The following CPN1 variants were observed in gnomAD, a reference collection of about 807,000 sequenced individuals.
CPN1 encodes the protein carboxypeptidase N catalytic chain.
CPN1 carries 37 observed loss-of-function variants against 46.4 expected under a neutral mutation model. That is an observed-to-expected ratio of 0.80 (90% CI 0.61 to 1.05). The LOEUF is 1.05. Ranked by LOEUF, CPN1 falls within the 50% of genes least tolerant of loss-of-function variation. CPN1 has a pLI of 0.00. For missense variants in CPN1, 563 were observed against 602.6 expected (o/e 0.93, Z 0.69); for synonymous variants, 224 against 235.4 (o/e 0.95, Z 0.44).
At chr10:100,043,853 T>C (rs1185672935) in intron 8 of CPN1, among the ~76,000 whole-genome samples, 2 of 152,014 alleles carry the variant, frequency 1.3e-5, no homozygotes, top group Non-Finnish European at 2.9e-5. Context: ...ATGCATCCTT[T>C]CAAGCACTAC....
intron 5 of CPN1, among the ~76,000 whole-genome samples, chr10:100,057,804 T>A (rs2041393965): frequency 6.6e-6 from 1 of 152,164 alleles, no homozygotes; most frequent in Admixed American, 6.6e-5. Context: ...TGATAGCAGG[T>A]CATACAGTGG....
chr10:100,060,771 A>C (rs999541065), intron 5 of CPN1, among the ~76,000 whole-genome samples: 5 of 152,340 alleles, frequency 3.3e-5, no homozygotes, highest in African/African-American at 7.2e-5. Context: ...GTATATACCC[A>C]AAACAAAGGA....
chr10:100,070,480 T>A (rs2041477696), intron 2 of CPN1, among the ~76,000 whole-genome samples: 1 of 151,744 alleles, frequency 6.6e-6, no homozygotes, highest in Non-Finnish European at 1.5e-5. Flanking sequence ...AGGCTCTGTC[T>A]AAAAAAAACA....
chr10:100,063,083 C>A (rs188805964), intron 5 of CPN1, among the ~76,000 whole-genome samples: 14 of 152,172 alleles, frequency 9.2e-5, no homozygotes, highest in Admixed American at 7.9e-4. Context: ...ACCAGTTTTA[C>A]AGGACCAAAA....
chr10:100,065,453 T>G (rs1364858579), intron 3 of CPN1, 83 bp from the exon 4 acceptor site: 2 of 1,453,964 alleles, frequency 1.4e-6, no homozygotes, highest in Admixed American at 3.7e-5. Flanking sequence ...TGTCAGGAAG[T>G]GGCCTGAGGA....
chr10:100,080,123 GT>G (rs77747934), intron 1 of CPN1, among the ~76,000 whole-genome samples: 3,919 of 151,972 alleles, frequency 0.026, 69 homozygotes, highest in East Asian at 0.069. Context: ...CCAGTTGGGA[GT>G]TCAGTGCAAT....
intron 7 of CPN1, among the ~76,000 whole-genome samples, chr10:100,053,161 G>T (rs1458376862): frequency 6.6e-6 from 1 of 152,196 alleles, no homozygotes; most frequent in Non-Finnish European, 1.5e-5. Flanking sequence ...TGAGGCTACA[G>T]GATTCTGCCT....
chr10:100,073,949 A>G (rs913273469), intron 2 of CPN1, among the ~76,000 whole-genome samples: 7 of 152,032 alleles, frequency 4.6e-5, no homozygotes, highest in Non-Finnish European at 7.4e-5. Flanking sequence ...GCCGTGTAAC[A>G]TCTTCAGAGC....
intron 7 of CPN1, among the ~76,000 whole-genome samples, chr10:100,053,725 CA>C (rs11336201): frequency 0.092 from 13,763 of 149,550 alleles, 927 homozygotes; most frequent in African/African-American, 0.19. Context: ...CAAAATAAAA[CA>C]AAAAAAAAAT....
intron 1 of CPN1, among the ~76,000 whole-genome samples, chr10:100,077,905 A>C (rs796785267): frequency 4.7e-4 from 71 of 152,328 alleles, no homozygotes; most frequent in Middle Eastern, 3.4e-3. Flanking sequence ...ATTTAAAAAA[A>C]AACAACAACA....
intron 8 of CPN1, among the ~76,000 whole-genome samples, chr10:100,047,237 G>T (rs1462769725): frequency 1.3e-5 from 2 of 152,086 alleles, no homozygotes; most frequent in Non-Finnish European, 2.9e-5. Flanking sequence ...GAAAGAAGAA[G>T]AGGAGGAAGA....
intron 3 of CPN1, 102 bp from the exon 4 acceptor site, chr10:100,065,472 G>T: frequency 1.6e-6 from 2 of 1,264,602 alleles, no homozygotes; most frequent in Non-Finnish European, 2.2e-6. Flanking sequence ...GAGATAAAAT[G>T]TCTGAATGAA....
Position 100,063,311 on chromosome 10 carries a change from C to T in CPN1, c.871+303G>A, listed in dbSNP as rs57991156. Reference sequence around the variant, plus strand: ...AATTTTTTCATATTTTTAGTAGAGACGGGGTTTCACTGTGTTAGCCAGGAT... The same window carrying T: ...AATTTTTTCATATTTTTAGTAGAGATGGGGTTTCACTGTGTTAGCCAGGAT... On this transcript the variant is annotated intron_variant, in intron 5 of 8. Transcript: ENST00000370418. Among the ~76,000 whole-genome samples, 1,081 of 151,840 alleles carry T rather than the reference C, an allele frequency of 7.1e-3. 18 individuals carry two copies. The highest frequency in any genetic ancestry group is 0.025 in the African/African-American group (1,027 of 41,384).
chr10:100,054,470 T>C (rs748764750), intron 6 of CPN1, 24 bp from the exon 7 acceptor site: 2 of 1,572,712 alleles, frequency 1.3e-6, no homozygotes, highest in South Asian at 1.1e-5. Flanking sequence ...TATATAGTTA[T>C]GATCATAAAA....
chr10:100,051,515 T>A (rs2041353126), intron 7 of CPN1, among the ~76,000 whole-genome samples: 1 of 152,082 alleles, frequency 6.6e-6, no homozygotes, highest in Non-Finnish European at 1.5e-5. Flanking sequence ...GTTTTTTCCC[T>A]GATGAAATGA....
chr10:100,048,697 C>T, intron 8 of CPN1, 61 bp downstream of exon 8: 3 of 1,207,956 alleles, frequency 2.5e-6, no homozygotes, highest in Non-Finnish European at 2.5e-6. Context: ...GGACACTGTC[C>T]TCCAAAAAAA....
chr10:100,051,809 A>G (rs988336546), intron 7 of CPN1, among the ~76,000 whole-genome samples: 4 of 152,050 alleles, frequency 2.6e-5, no homozygotes, highest in Admixed American at 6.6e-5. Context: ...GATTACAGGC[A>G]TGAGCTACTG....
chr10:100,055,662 T>A (rs1367403605), intron 6 of CPN1, among the ~76,000 whole-genome samples: 6 of 152,090 alleles, frequency 3.9e-5, no homozygotes, highest in Non-Finnish European at 4.4e-5. Context: ...GTAGCTGGGA[T>A]TACAGGCATG....
rs150259958 is a variant in CPN1 at position 100,081,403 on chromosome 10, A to T, written c.223T>A (p.Leu75Met). The T allele has an allele frequency of 3.1e-6, 5 of 1,611,734 alleles. No individual in the cohort carries two copies. The African/African-American group carries it at 6.7e-5, about 22-fold the overall frequency. The change falls in exon 1 of 9, where the codon TTG becomes ATG. Residue 75 changes from leucine (L) to methionine (M), a missense_variant and splice_region_variant. Coordinates refer to ENST00000370418, the MANE Select transcript of CPN1 (RefSeq NM_001308.3). The stretch of plus-strand genomic sequence containing the variant: ...CCCTCAAGAGCTGTTCAGAACTTAC[A>T]GGGCTCGTGGATTCCAGGGTGGTCG... ...FSDHPGIHEP[L>M]EPEVKYVGNM...
Sources: allele counts gnomAD v4.1 joint callset (sites outside exome capture counted in the v4.1 genomes callset), GRCh38; gene constraint gnomAD v4.1.1; transcripts MANE v1.5; gene names NCBI Gene and HGNC (gene_info 2026-07-23, HGNC 2026-07-21).